S100PBP: variants seen among roughly 807,000 people sequenced by gnomAD.
The protein encoded by S100PBP is S100P-binding protein.
A neutral mutation model predicts 39.9 loss-of-function variants in S100PBP; 15 were observed. The ratio of observed to expected loss-of-function variants is 0.38; its 90% CI spans 0.25 to 0.58. S100PBP has a LOEUF of 0.58. Among genes scored for constraint, S100PBP ranks in the 20% least tolerant of loss-of-function variants. The pLI, the probability that S100PBP is intolerant of heterozygous loss-of-function variation, is 0.70. For missense variants in S100PBP, 504 were observed against 487.3 expected (o/e 1.03, Z -0.32); for synonymous variants, 178 against 180.3 (o/e 0.99, Z 0.10).
chr1:32,844,913 G>A (rs1485710296), intron 5 of S100PBP, among the ~76,000 whole-genome samples: 1 of 148,148 alleles, frequency 6.8e-6, no homozygotes, highest in African/African-American at 2.5e-5. Flanking sequence ...ACTGCAAGCT[G>A]TGCCTCCCGG....
At chr1:32,841,815 A>G (rs1569909221) in intron 5 of S100PBP, among the ~76,000 whole-genome samples, 1 of 152,064 alleles carries the variant, frequency 6.6e-6, no homozygotes, top group Non-Finnish European at 1.5e-5. Flanking sequence ...AGGCCACAAA[A>G]ATTTTCTCCT....
intron 5 of S100PBP, chr1:32,846,989 A>G (rs937845241): frequency 6.6e-6 from 1 of 152,146 alleles, no homozygotes; most frequent in Non-Finnish European, 1.5e-5. Context: ...CATGTTGGTC[A>G]GGCTGGTCTC....
intron 4 of S100PBP, 78 bp from the exon 5 acceptor site, chr1:32,829,886 T>C (rs1557490597): frequency 8.4e-6 from 8 of 951,528 alleles, no homozygotes; most frequent in Non-Finnish European, 1.2e-5. Context: ...ATCAGCAGTA[T>C]ATCACTTCTC....
chr1:32,826,020 A>G, intron 2 of S100PBP, 78 bp from the exon 3 acceptor site: 1 of 973,314 alleles, frequency 1.0e-6, no homozygotes, highest in Non-Finnish European at 1.6e-6. Context: ...ATACTAGAAC[A>G]TTACCCACAT....
chr1:32,839,199 C>A (rs561195846), intron 5 of S100PBP, among the ~76,000 whole-genome samples: 10 of 152,182 alleles, frequency 6.6e-5, no homozygotes, highest in Non-Finnish European at 1.5e-4. Flanking sequence ...TTTGACTACT[C>A]TAGGTACCTC....
chr1:32,839,730 G>A (rs1640002794), intron 5 of S100PBP, among the ~76,000 whole-genome samples: 1 of 152,064 alleles, frequency 6.6e-6, no homozygotes. Flanking sequence ...GGCTGGTTGT[G>A]AACTCCTGGG....
chr1:32,830,471 A>G (rs529538026), intron 5 of S100PBP, among the ~76,000 whole-genome samples: 171 of 152,342 alleles, frequency 1.1e-3, no homozygotes, highest in Non-Finnish European at 2.2e-3. Flanking sequence ...AAAAGCAGGC[A>G]TTTCAAACAC....
At chr1:32,848,444 TG>T (rs1480620686) in intron 5 of S100PBP, among the ~76,000 whole-genome samples, 1 of 152,246 alleles carries the variant, frequency 6.6e-6, no homozygotes, top group African/African-American at 2.4e-5. Context: ...GCCCTGCATG[TG>T]TACTGTTCTC....
chr1:32,827,772 C>CT (rs1328117816), intron 3 of S100PBP, among the ~76,000 whole-genome samples: 6 of 143,870 alleles, frequency 4.2e-5, no homozygotes, highest in African/African-American at 1.0e-4. Context: ...TGAGCCACTA[C>CT]ACCTGGCCAG....
chr1:32,828,188 G>C (rs1639426919), intron 4 of S100PBP, 107 bp downstream of exon 4: 8 of 649,704 alleles, frequency 1.2e-5, no homozygotes, highest in East Asian at 6.0e-5. Context: ...CCCTACTCCA[G>C]GAGTAAGCAA....
At chr1:32,841,160 C>G (rs1324450413) in intron 5 of S100PBP, among the ~76,000 whole-genome samples, 1 of 101,862 alleles carries the variant, frequency 9.8e-6, no homozygotes, top group Admixed American at 1.0e-4. Context: ...GATTCCATCT[C>G]AAAAAAAAAA....
chr1:32,843,868 G>A (rs887232479), intron 5 of S100PBP, among the ~76,000 whole-genome samples: 8 of 151,978 alleles, frequency 5.3e-5, no homozygotes, highest in African/African-American at 9.7e-5. Flanking sequence ...GATTACAGGC[G>A]TGAGCCACCA....
chr1:32,842,435 C>T (rs1043443166), intron 5 of S100PBP, among the ~76,000 whole-genome samples: 3 of 151,496 alleles, frequency 2.0e-5, no homozygotes, highest in Non-Finnish European at 2.9e-5. Flanking sequence ...CTAATGTGTT[C>T]CACTAGTGTT....
chr1:32,845,992 T>G, intron 5 of S100PBP, among the ~76,000 whole-genome samples: 1 of 151,694 alleles, frequency 6.6e-6, no homozygotes, highest in South Asian at 2.1e-4. Flanking sequence ...ATTAATTTAT[T>G]TTTTTATTTT....
chr1:32,835,858 T>C (rs897030353), intron 5 of S100PBP: 1 of 152,208 alleles, frequency 6.6e-6, no homozygotes, highest in Non-Finnish European at 1.5e-5. Flanking sequence ...AATCCATTCA[T>C]CTGTCAGTAG....
intron 5 of S100PBP, chr1:32,836,850 G>A (rs1043268910): frequency 1.3e-5 from 2 of 151,964 alleles, no homozygotes; most frequent in Non-Finnish European, 2.9e-5. Flanking sequence ...TGTTTTCTTT[G>A]TGTTTACATA....
chr1:32,829,891 CTT>C, intron 4 of S100PBP, 71 bp from the exon 5 acceptor site: 1 of 1,025,244 alleles, frequency 9.8e-7, no homozygotes, highest in Non-Finnish European at 1.5e-6. Context: ...CAGTATATCA[CTT>C]CTCTCTACAA....
At chr1:32,817,333 G>C (rs1243316889), upstream of S100PBP, 2 of 1,544,010 alleles carry the variant, frequency 1.3e-6, no homozygotes, top group South Asian at 2.2e-5. Context: ...GAACTGTCAC[G>C]CGAGTCCAGC....
At chr1:32,831,004 C>T (rs1304007601) in intron 5 of S100PBP, among the ~76,000 whole-genome samples, 9 of 151,160 alleles carry the variant, frequency 6.0e-5, no homozygotes, top group East Asian at 3.9e-4. Context: ...CACTTGAACC[C>T]GGGAGGCAGA....
Sources: gnomAD v4.1 joint callset for allele counts (sites outside exome capture counted in the v4.1 genomes callset) on GRCh38, gnomAD v4.1.1 for gene constraint, MANE v1.5 for transcripts, NCBI Gene and HGNC (gene_info 2026-07-23, HGNC 2026-07-21) for gene names.